The following MAP3K19 variants were observed in gnomAD, a reference collection of about 807,000 sequenced individuals.
The protein encoded by MAP3K19 is mitogen-activated protein kinase kinase kinase 19.
A neutral mutation model predicts 114.4 loss-of-function variants in MAP3K19; 91 were observed. The observed-to-expected ratio is 0.80, with a 90% confidence interval of 0.67 to 0.95. The LOEUF is 0.95. MAP3K19 is among the 40% of genes least tolerant of loss of function. The probability of loss-of-function intolerance (pLI) is 0.00; values close to 1 mark genes in which losing one functional copy is unlikely to be tolerated. For missense variants in MAP3K19, 1,471 were observed against 1,573.2 expected (o/e 0.94, Z 1.10); for synonymous variants, 518 against 530.5 (o/e 0.98, Z 0.32).
intron 8 of MAP3K19, among the ~76,000 whole-genome samples, chr2:134,996,460 G>A (rs55848297): frequency 0.28 from 42,961 of 151,926 alleles, 6,745 homozygotes; most frequent in Middle Eastern, 0.62. Flanking sequence ...AGATGAACAC[G>A]TAAACAAATA....
At chr2:134,982,215 C>T (rs1347242264) in intron 11 of MAP3K19, among the ~76,000 whole-genome samples, 3 of 147,478 alleles carry the variant, frequency 2.0e-5, no homozygotes, top group African/African-American at 7.5e-5. Flanking sequence ...AATTCCTGGG[C>T]TCAAGCGATC....
chr2:135,027,868 G>C (rs1302114098), intron 3 of MAP3K19, among the ~76,000 whole-genome samples: 1 of 152,180 alleles, frequency 6.6e-6, no homozygotes, highest in African/African-American at 2.4e-5. Flanking sequence ...AGACAGATCT[G>C]GGTTTCAATC....
At chr2:134,983,333 T>C (rs915122172) in intron 11 of MAP3K19, 3 of 562,388 alleles carry the variant, frequency 5.3e-6, no homozygotes, top group African/African-American at 1.9e-5. Flanking sequence ...GACTTGAACC[T>C]GGGAGGATGA....
At chr2:135,023,358 C>A in intron 4 of MAP3K19, 1 of 488,912 alleles carries the variant, frequency 2.0e-6, no homozygotes, top group East Asian at 6.1e-5. Context: ...CTCCTCGGCT[C>A]AGCCCTCTGC....
chr2:134,998,492 T>C (rs1167684864), intron 8 of MAP3K19, among the ~76,000 whole-genome samples: 4 of 152,222 alleles, frequency 2.6e-5, no homozygotes, highest in East Asian at 1.9e-4. Context: ...TGAACAAATA[T>C]ATAAACATTT....
chr2:134,992,925 G>A (rs1280134891), intron 8 of MAP3K19, among the ~76,000 whole-genome samples: 4 of 151,908 alleles, frequency 2.6e-5, no homozygotes, highest in Non-Finnish European at 5.9e-5. Context: ...GTGATCCACC[G>A]GCCTCGGCCT....
chr2:134,992,704 C>T (rs1328138591), intron 8 of MAP3K19, among the ~76,000 whole-genome samples: 1 of 151,842 alleles, frequency 6.6e-6, no homozygotes, highest in African/African-American at 2.4e-5. Context: ...GGGTCTCGCT[C>T]TGTCGCCCAG....
chr2:135,028,093 C>A (rs1173382541), intron 3 of MAP3K19, among the ~76,000 whole-genome samples: 1 of 152,182 alleles, frequency 6.6e-6, no homozygotes, highest in East Asian at 1.9e-4. Flanking sequence ...AATCTGGCAA[C>A]CCTATTTGCT....
At position 134,988,219 on chromosome 2, in the gene MAP3K19, C is replaced by G; in HGVS notation, c.653G>C (p.Arg218Pro). 6.3e-7 allele frequency: 1 copy of G among 1,594,572 alleles called. No homozygotes were observed. The highest frequency in any genetic ancestry group is 8.5e-7 in the Non-Finnish European group (1 of 1,172,274). The change falls in exon 10 of 13, where the codon CGA becomes CCA. Residue 218 changes from arginine (R) to proline (P), a missense_variant. Physicochemically the swap from Arg to Pro is moderately radical, Grantham distance 103 (BLOSUM62 -2). Transcript: ENST00000392915. The stretch of plus-strand genomic sequence containing the variant: ...TTGGGGGATAGTAAGGACACCAGAT[C>G]GCGTGGGCAAGAGTGACAGTGGTGG... ...LLPPLSLLPT[R>P]SGVLTIPQNH...
intron 1 of MAP3K19, among the ~76,000 whole-genome samples, chr2:135,046,045 C>T (rs571977412): frequency 6.6e-6 from 1 of 152,132 alleles, no homozygotes; most frequent in African/African-American, 2.4e-5. Flanking sequence ...CCACCTCAGC[C>T]TCCCAGATAA....
intron 2 of MAP3K19, among the ~76,000 whole-genome samples, chr2:135,033,564 CGGG>C (rs1327934062): frequency 0.013 from 4 of 318 alleles, no homozygotes; most frequent in Non-Finnish European, 0.019. Flanking sequence ...GGGCGGCTGG[CGGG>C]CGGGGGGCTG....
chr2:135,000,260 A>G (rs1452683855), intron 6 of MAP3K19, among the ~76,000 whole-genome samples: 1 of 152,248 alleles, frequency 6.6e-6, no homozygotes, highest in Non-Finnish European at 1.5e-5. Flanking sequence ...ATAAAGTTTT[A>G]TAACAAACTA....
chr2:134,995,187 A>T (rs1046101333), intron 8 of MAP3K19, among the ~76,000 whole-genome samples: 1 of 151,962 alleles, frequency 6.6e-6, no homozygotes, highest in Non-Finnish European at 1.5e-5. Flanking sequence ...CTGGTGGTGC[A>T]TGCCTGTAGT....
Position 134,987,099 on chromosome 2 carries a change from T to G in MAP3K19, c.1773A>C (p.Gln591His). The G allele has an allele frequency of 1.2e-6, 2 of 1,613,490 alleles. No individual in the cohort carries two copies. ...DPRPWQLPRF[Q>H]KKMPQIAKKQ... ...TCTTTGCTATCTGTGGCATTTTCTT[T>G]TGAAACCTGGGCAATTGCCAAGGCC... The change falls in exon 10 of 13, where the codon CAA becomes CAC. Residue 591 changes from glutamine to histidine, a missense_variant. Physicochemically the swap from Gln to His is conservative, Grantham distance 24. Coordinates refer to ENST00000392915, the MANE Select transcript of MAP3K19 (RefSeq NM_025052.5).
At chr2:135,036,784 C>T (rs1688540496) in intron 2 of MAP3K19, among the ~76,000 whole-genome samples, 1 of 151,532 alleles carries the variant, frequency 6.6e-6, no homozygotes, top group Non-Finnish European at 1.5e-5. Flanking sequence ...TAGAAGTTGC[C>T]AGAGAGGTAA....
intron 9 of MAP3K19, among the ~76,000 whole-genome samples, chr2:134,989,047 A>G (rs1685376488): frequency 6.6e-6 from 1 of 152,218 alleles, no homozygotes. Flanking sequence ...AATGAAATGT[A>G]CAAAATTTCA....
Position 134,986,775 on chromosome 2 carries a change from A to G in MAP3K19, c.2097T>C (p.Asn699=). Residue 699 remains asparagine, a synonymous_variant, in exon 10 of 13, where the codon AAT becomes AAC. Transcript: ENST00000392915. ...TCTCACTGTGTGAAGATCGACATTT[A>G]TTGGTGATACGTCTGCCTGATGGAG... ...CSAPSGRRIT[N]KCRSSHSERK... is the part of the protein sequence containing the mutation. The G allele has an allele frequency of 6.2e-7, 1 of 1,614,070 alleles. No individual in the cohort carries two copies. Among genetic ancestry groups the G allele is most frequent in the Non-Finnish European group, 8.5e-7 (1 of 1,180,010 alleles).
chr2:135,030,139 T>G (rs190059811), intron 3 of MAP3K19, among the ~76,000 whole-genome samples, 173 bp downstream of exon 3: 1 of 152,334 alleles, frequency 6.6e-6, no homozygotes, highest in East Asian at 1.9e-4. Flanking sequence ...TATTATCTTG[T>G]TTTCCACCCC....
rs1187957592 is a variant in MAP3K19, at chr2:134,997,817, C to CAAAAAAAAAAAAAAAAAAAAAA, written c.574+920_574+921insTTTTTTTTTTTTTTTTTTTTTT. Among the ~76,000 whole-genome samples, 21 of 90,972 alleles carry CAAAAAAAAAAAAAAAAAAAAAA rather than the reference C, an allele frequency of 2.3e-4. 2 individuals are homozygous for CAAAAAAAAAAAAAAAAAAAAAA. Among genetic ancestry groups the CAAAAAAAAAAAAAAAAAAAAAA allele is most frequent in the African/African-American group, 6.1e-4 (15 of 24,622 alleles). The allele number at this position is 90,972 out of a possible 152,430, so 59.7% of individuals were successfully genotyped here. ...CTGGTGACAGAGCGAGACTCCGTCT[C>CAAAAAAAAAAAAAAAAAAAAAA]AAAAAAAAAAAAACTTTAAGCACTG... is the stretch of plus-strand genomic sequence containing the variant. On this transcript the variant is annotated intron_variant, in intron 8 of 12. Transcript: ENST00000392915.
Sources: allele counts gnomAD v4.1 joint callset (sites outside exome capture counted in the v4.1 genomes callset), GRCh38; gene constraint gnomAD v4.1.1; transcripts MANE v1.5; gene names NCBI Gene and HGNC (gene_info 2026-07-23, HGNC 2026-07-21).